IDE: variants seen among roughly 807,000 people sequenced by gnomAD.
IDE encodes insulin degrading enzyme.
A neutral mutation model predicts 133.2 loss-of-function variants in IDE; 58 were observed. That is an observed-to-expected ratio of 0.44 (90% CI 0.35 to 0.54). The LOEUF is 0.54. Ranked by LOEUF, IDE falls within the 20% of genes least tolerant of loss-of-function variation. IDE has a pLI of 0.00. For synonymous variants in IDE, 396 were observed against 421.3 expected, an observed-to-expected ratio of 0.94 and a Z score of 0.73; for missense variants, 981 against 1,234.0, an observed-to-expected ratio of 0.79 and a Z score of 3.07.
intron 1 of IDE, among the ~76,000 whole-genome samples, chr10:92,564,289 T>C (rs549445904): frequency 5.3e-5 from 8 of 152,150 alleles, no homozygotes; most frequent in African/African-American, 1.9e-4. Flanking sequence ...TAGTTCAAAC[T>C]ACAGCAAGAA....
intron 1 of IDE, among the ~76,000 whole-genome samples, chr10:92,541,519 T>C (rs1479977020): frequency 6.6e-6 from 1 of 152,234 alleles, no homozygotes; most frequent in Non-Finnish European, 1.5e-5. Flanking sequence ...ACTCAAATGC[T>C]TTCCCAGACA....
chr10:92,560,275 T>C (rs1843213222), intron 1 of IDE, among the ~76,000 whole-genome samples: 1 of 152,226 alleles, frequency 6.6e-6, no homozygotes, highest in Admixed American at 6.5e-5. Context: ...ATTTGGCTTC[T>C]GGGAACGGTG....
chr10:92,474,920 G>T lies in IDE; in HGVS notation c.2037C>A (p.His679Gln). 1.2e-6 allele frequency: 2 copies of T among 1,612,758 alleles called. No individual in the cohort carries two copies. The highest frequency in any genetic ancestry group is 1.7e-6 in the Non-Finnish European group (2 of 1,178,826). The change falls in exon 17 of 25, where the codon CAC becomes CAA. Residue 679 changes from histidine to glutamine, a missense_variant. Physicochemically the swap from His to Gln is conservative, Grantham distance 24. Coordinates refer to ENST00000265986, the MANE Select transcript of IDE (RefSeq NM_004969.4). ...SLNNFRAEQP[H>Q]QHAMYYLRLL... ...AGCGGAGGTAGTACATGGCATGCTG[G>T]TGAGGCTGTTCAGCCCGGAAATTGT...
At chr10:92,536,827 C>T (rs1254431571) in intron 2 of IDE, among the ~76,000 whole-genome samples, 1 of 152,066 alleles carries the variant, frequency 6.6e-6, no homozygotes, top group African/African-American at 2.4e-5. Context: ...ATCACAAGGT[C>T]AAGAGATCGA....
In IDE at chr10:92,481,684, A is replaced by T. The variant is rs189972519; in HGVS notation, c.1739+1571T>A. ...CTGAAAAGATGGAAAGGATATAGAC[A>T]CACACATGAAAATTTCAATTAAAAT... On this transcript the variant is annotated intron_variant, in intron 14 of 24. Coordinates refer to ENST00000265986, the MANE Select transcript of IDE (RefSeq NM_004969.4). Among the ~76,000 whole-genome samples the T allele has an allele frequency of 3.0e-4, 46 of 152,362 alleles. No individual in the cohort carries two copies. The East Asian group carries it at 6.7e-3, about 22-fold the overall frequency.
At position 92,534,043 on chromosome 10, in the gene IDE, C is replaced by T. The variant is rs146324298; in HGVS notation, c.491+535G>A. On this transcript the variant is annotated intron_variant, in intron 3 of 24. Coordinates refer to ENST00000265986, the MANE Select transcript of IDE (RefSeq NM_004969.4). ...CGTCTGAAAAAAAAAAAAAAATTGA[C>T]CAAGAAATTAAATCATCCTAATGGA... 2.8e-3 allele frequency among the ~76,000 whole-genome samples: 426 copies of T among 151,650 alleles called. 8 individuals are homozygous for T. In the East Asian group the frequency reaches 0.055, roughly 20 times the overall value.
At chr10:92,514,124 A>G (rs2135565487) in intron 5 of IDE, among the ~76,000 whole-genome samples, 1 of 152,294 alleles carries the variant, frequency 6.6e-6, no homozygotes, top group South Asian at 2.1e-4. Flanking sequence ...TTATTTCCTG[A>G]GATTGCATTT....
At chr10:92,506,853 G>T (rs912515593) in intron 9 of IDE, among the ~76,000 whole-genome samples, 63 of 152,164 alleles carry the variant, frequency 4.1e-4, no homozygotes, top group African/African-American at 1.5e-3. Context: ...CTGTGTGAAA[G>T]AACCTTGTGA....
chr10:92,490,632 A>T, intron 11 of IDE, 37 bp from the exon 12 acceptor site: 1 of 1,199,428 alleles, frequency 8.3e-7, no homozygotes, highest in Non-Finnish European at 1.2e-6. Context: ...AACCCTGTAA[A>T]CTCATACTGT....
At position 92,455,650 on chromosome 10, in the gene IDE, GAA is replaced by G. The variant is rs1459322967; in HGVS notation, c.2897-9_2897-8del. On this transcript the variant is annotated splice_polypyrimidine_tract_variant and splice_region_variant and intron_variant, in intron 23 of 24. Transcript: ENST00000265986. ...AACTCTCCAACAACAGGACCTATAAGAAAATAAAAGGTTTAATACTTTGTACT... is the reference window on the plus strand; with the variant it reads ...AACTCTCCAACAACAGGACCTATAAGAATAAAAGGTTTAATACTTTGTACT... The G allele has an allele frequency of 2.0e-6, 3 of 1,524,138 alleles. No homozygotes were observed. The African/African-American group carries it at 4.2e-5, about 21-fold the overall frequency. 94.4% of individuals were successfully genotyped at this position (1,524,138 alleles called of 1,614,324 possible). A position where few individuals can be genotyped will look rare whatever the true frequency, so the allele number is the denominator to read the frequency against.
At chr10:92,495,961 G>A (rs950328150) in intron 11 of IDE, among the ~76,000 whole-genome samples, 5 of 151,520 alleles carry the variant, frequency 3.3e-5, no homozygotes, top group Non-Finnish European at 5.9e-5. Flanking sequence ...TGCAACCTCC[G>A]CCCCCTGGGT....
chr10:92,477,432 C>T (rs1427493589), intron 15 of IDE, among the ~76,000 whole-genome samples: 1 of 152,348 alleles, frequency 6.6e-6, no homozygotes, highest in East Asian at 1.9e-4. Context: ...GCTGGGATTA[C>T]AGGCGTGAGC....
At chr10:92,567,470 A>G (rs1243708279) in intron 1 of IDE, among the ~76,000 whole-genome samples, 1 of 152,090 alleles carries the variant, frequency 6.6e-6, no homozygotes, top group Non-Finnish European at 1.5e-5. Context: ...TACCTTCTTT[A>G]TCCCTCATCA....
chr10:92,457,550 T>C (rs1167103153), intron 22 of IDE, among the ~76,000 whole-genome samples: 2 of 152,066 alleles, frequency 1.3e-5, no homozygotes, highest in Non-Finnish European at 2.9e-5. Flanking sequence ...AGTTGGCAGG[T>C]GGATCCTGTG....
chr10:92,528,194 T>C (rs1849728668), intron 4 of IDE, among the ~76,000 whole-genome samples: 1 of 152,226 alleles, frequency 6.6e-6, no homozygotes, highest in Non-Finnish European at 1.5e-5. Context: ...CCTGTAAGTA[T>C]AGCCAAACAA....
intron 1 of IDE, among the ~76,000 whole-genome samples, chr10:92,557,227 G>A (rs1453147577): frequency 6.6e-6 from 1 of 152,102 alleles, no homozygotes; most frequent in African/African-American, 2.4e-5. Flanking sequence ...GTGTGGTACT[G>A]GCATCAGGAT....
In IDE at chr10:92,452,619, T is replaced by TA. The variant is rs1205106045; in HGVS notation, c.*1824dup. ...CAGATCTCTTCATGTGTCATTCTCA[T>TA]AAAAAAGACACTTAAATTTCACCCA... On this transcript the variant is annotated 3_prime_UTR_variant, in exon 25 of 25. Transcript: ENST00000265986. 6.6e-6 allele frequency: 1 copy of TA among 152,174 alleles called. No individual in the cohort carries two copies. Among genetic ancestry groups the TA allele is most frequent in the Non-Finnish European group, 1.5e-5 (1 of 68,028 alleles). The allele number at this position is 152,174 out of a possible 1,614,324, so 9.4% of individuals were successfully genotyped here.
chr10:92,546,963 C>A (rs1842556525), intron 1 of IDE, among the ~76,000 whole-genome samples: 1 of 152,096 alleles, frequency 6.6e-6, no homozygotes, highest in Non-Finnish European at 1.5e-5. Context: ...TAAAAGAATA[C>A]CATATAACGT....
chr10:92,564,259 G>A (rs1843414162), intron 1 of IDE, among the ~76,000 whole-genome samples: 1 of 152,142 alleles, frequency 6.6e-6, no homozygotes, highest in Admixed American at 6.6e-5. Flanking sequence ...CAACCATTCT[G>A]TAGCAAGCCT....
Sources: allele counts gnomAD v4.1 joint callset (sites outside exome capture counted in the v4.1 genomes callset), GRCh38; gene constraint gnomAD v4.1.1; transcripts MANE v1.5; gene names NCBI Gene and HGNC (gene_info 2026-07-23, HGNC 2026-07-21).